The following MDFIC2 variants were observed in gnomAD, a reference collection of about 807,000 sequenced individuals.
The protein encoded by MDFIC2 is MyoD family inhibitor domain containing 2.
chr3:70,240,335 A>C (rs1239661549), intron 2 of MDFIC2, among the ~76,000 whole-genome samples: 1 of 151,728 alleles, frequency 6.6e-6, no homozygotes, highest in East Asian at 1.9e-4. Context: ...ATAACCAATT[A>C]CTTTTTTTTT....
At chr3:70,244,684 T>C (rs1701690221) in intron 2 of MDFIC2, among the ~76,000 whole-genome samples, 1 of 152,172 alleles carries the variant, frequency 6.6e-6, no homozygotes, top group Non-Finnish European at 1.5e-5. Flanking sequence ...AATTTGATGG[T>C]TAGAAATGCA....
intron 2 of MDFIC2, among the ~76,000 whole-genome samples, chr3:70,242,515 T>C (rs768069132): frequency 5.3e-5 from 8 of 152,210 alleles, no homozygotes; most frequent in Non-Finnish European, 1.0e-4. Context: ...TGTTTCCTGT[T>C]GTTCTTGGCC....
chr3:70,258,504 G>C (rs1410726963), intron 2 of MDFIC2, among the ~76,000 whole-genome samples: 1 of 152,102 alleles, frequency 6.6e-6, no homozygotes, highest in African/African-American at 2.4e-5. Flanking sequence ...TCCATTTCTA[G>C]ACTATCCAGT....
At chr3:70,231,834 C>T (rs183409650) in intron 2 of MDFIC2, among the ~76,000 whole-genome samples, 1 of 152,112 alleles carries the variant, frequency 6.6e-6, no homozygotes, top group Non-Finnish European at 1.5e-5. Flanking sequence ...AAAATAAATT[C>T]TCATCTGGAA....
chr3:70,290,393 C>T (rs1311905594), intron 2 of MDFIC2, among the ~76,000 whole-genome samples: 1 of 152,206 alleles, frequency 6.6e-6, no homozygotes, highest in Non-Finnish European at 1.5e-5. Context: ...GTCAGGGACC[C>T]ACTTGAGGAG....
At chr3:70,251,211 G>T (rs1213695375) in intron 2 of MDFIC2, among the ~76,000 whole-genome samples, 2 of 152,146 alleles carry the variant, frequency 1.3e-5, no homozygotes, top group East Asian at 3.9e-4. Context: ...AGGTTCTGTG[G>T]TTATTACTGT....
At chr3:70,288,270 G>A (rs1429610600) in intron 2 of MDFIC2, among the ~76,000 whole-genome samples, 8 of 120,408 alleles carry the variant, frequency 6.6e-5, no homozygotes, top group African/African-American at 1.0e-4. Context: ...CTTTGTTCTC[G>A]TTGGTTTCAA....
chr3:70,242,896 G>T (rs1453461003), intron 2 of MDFIC2, among the ~76,000 whole-genome samples: 1 of 152,080 alleles, frequency 6.6e-6, no homozygotes, highest in Admixed American at 6.6e-5. Flanking sequence ...GGAGGGGTTT[G>T]GTGGCAGGGG....
intron 2 of MDFIC2, among the ~76,000 whole-genome samples, chr3:70,222,067 CA>C (rs1701465507): frequency 6.6e-6 from 1 of 152,062 alleles, no homozygotes; most frequent in South Asian, 2.1e-4. Flanking sequence ...CAATATTAAC[CA>C]TTGCCACACC....
intron 2 of MDFIC2, among the ~76,000 whole-genome samples, chr3:70,295,988 T>C (rs1013544570): frequency 1.3e-5 from 2 of 152,190 alleles, no homozygotes; most frequent in African/African-American, 4.8e-5. Context: ...ACCTTACTGC[T>C]TTTTGTACAT....
At chr3:70,309,732 A>G (rs1216353390) in intron 2 of MDFIC2, among the ~76,000 whole-genome samples, 2 of 152,206 alleles carry the variant, frequency 1.3e-5, no homozygotes, top group African/African-American at 2.4e-5. Context: ...ATAATTCCCA[A>G]TTAAGATGTT....
At chr3:70,234,631 C>T (rs1210913964) in intron 2 of MDFIC2, among the ~76,000 whole-genome samples, 1 of 148,704 alleles carries the variant, frequency 6.7e-6, no homozygotes, top group South Asian at 2.1e-4. Flanking sequence ...CCAAGTGAGA[C>T]CCTGGCTCAA....
intron 2 of MDFIC2, among the ~76,000 whole-genome samples, chr3:70,271,572 A>C (rs557148499): frequency 1.3e-5 from 2 of 152,338 alleles, no homozygotes; most frequent in Non-Finnish European, 2.9e-5. Flanking sequence ...ACAGGCCACC[A>C]GTTGGCAAAT....
At chr3:70,288,117 CT>C (rs1246524581) in intron 2 of MDFIC2, among the ~76,000 whole-genome samples, 1 of 145,272 alleles carries the variant, frequency 6.9e-6, no homozygotes, top group Non-Finnish European at 1.5e-5. Context: ...AATGTGTTTG[CT>C]CTTGCTTTTC....
intron 2 of MDFIC2, among the ~76,000 whole-genome samples, chr3:70,276,663 TCTACATATGGC>T (rs1430460044): frequency 3.3e-5 from 5 of 152,232 alleles, no homozygotes; most frequent in Non-Finnish European, 7.3e-5. Context: ...TGACCCATGG[TCTACATATGGC>T]CTACTGCATT....
intron 2 of MDFIC2, among the ~76,000 whole-genome samples, chr3:70,285,586 C>T (rs1368795588): frequency 2.6e-5 from 4 of 151,870 alleles, no homozygotes; most frequent in South Asian, 2.1e-4. Flanking sequence ...AATGGGATGG[C>T]TGTGTCAAAT....
chr3:70,263,818 C>G (rs987355269), intron 2 of MDFIC2, among the ~76,000 whole-genome samples: 8 of 152,070 alleles, frequency 5.3e-5, no homozygotes, highest in Non-Finnish European at 1.2e-4. Flanking sequence ...TATCACAGTC[C>G]AGAAATTACT....
rs531284065 is a variant in MDFIC2, at chr3:70,267,210, A to G, written c.88+44676T>C. Among the ~76,000 whole-genome samples, 3 of 152,262 alleles carry G rather than the reference A, an allele frequency of 2.0e-5. No homozygotes were observed. The South Asian group carries it at 6.2e-4, about 32-fold the overall frequency. ...CTTAATTCCCCCTTATGTTTTAGAC[A>G]GTAAAAGAAGTCTCATTTTTACGAA... is the stretch of plus-strand genomic sequence containing the variant. On this transcript the variant is annotated intron_variant, in intron 2 of 3. Transcript: ENST00000567252.
At chr3:70,241,391 T>G (rs1334644663) in intron 2 of MDFIC2, among the ~76,000 whole-genome samples, 1 of 152,194 alleles carries the variant, frequency 6.6e-6, no homozygotes, top group African/African-American at 2.4e-5. Context: ...TATTTTGAGA[T>G]GTTTTCACCA....
Sources: allele counts gnomAD v4.1 joint callset (sites outside exome capture counted in the v4.1 genomes callset), GRCh38; gene constraint gnomAD v4.1.1; transcripts MANE v1.5; gene names NCBI Gene and HGNC (gene_info 2026-07-23, HGNC 2026-07-21).